Variants in COMMD10 observed in about 807,000 individuals in gnomAD.
The protein encoded by COMMD10 is COMM domain-containing protein 10.
Under a neutral mutation model 28.9 loss-of-function variants are expected in COMMD10, and 33 were observed. The observed-to-expected ratio is 1.14, with a 90% confidence interval of 0.87 to 1.53. The LOEUF (loss-of-function observed/expected upper bound fraction) is 1.53. Among genes scored for constraint, COMMD10 ranks in the 40% most tolerant of loss-of-function variants. The pLI is 0.00. For synonymous variants in COMMD10, 110 were observed against 81.7 expected, an observed-to-expected ratio of 1.35 and a Z score of -1.87; for missense variants, 310 against 233.4, an observed-to-expected ratio of 1.33 and a Z score of -2.14.
intron 5 of COMMD10, among the ~76,000 whole-genome samples, chr5:116,168,801 A>C (rs1753220130): frequency 6.6e-6 from 1 of 152,226 alleles, no homozygotes; most frequent in Non-Finnish European, 1.5e-5. Context: ...GACACAATGT[A>C]CCAGAATCTC....
At chr5:116,101,883 C>T (rs970468904) in intron 4 of COMMD10, among the ~76,000 whole-genome samples, 18 of 152,132 alleles carry the variant, frequency 1.2e-4, no homozygotes, top group Non-Finnish European at 4.4e-5. Flanking sequence ...GTCCTTTGCC[C>T]TGTGCCCACT....
At chr5:116,286,245 C>T (rs937805348) in intron 5 of COMMD10, among the ~76,000 whole-genome samples, 1 of 150,342 alleles carries the variant, frequency 6.7e-6, no homozygotes, top group African/African-American at 2.4e-5. Context: ...TTGGGTCTTC[C>T]TTCTTTTTTT....
intron 5 of COMMD10, among the ~76,000 whole-genome samples, chr5:116,240,020 C>A (rs1262214032): frequency 6.6e-6 from 1 of 152,092 alleles, no homozygotes; most frequent in Non-Finnish European, 1.5e-5. Context: ...GATAACGACA[C>A]CCTTGAATTT....
At chr5:116,181,929 T>C (rs1357877917) in intron 5 of COMMD10, among the ~76,000 whole-genome samples, 1 of 152,076 alleles carries the variant, frequency 6.6e-6, no homozygotes, top group Non-Finnish European at 1.5e-5. Flanking sequence ...AAGAGTAGGA[T>C]AGACATAGCT....
intron 4 of COMMD10, among the ~76,000 whole-genome samples, chr5:116,108,943 G>C (rs2112733499): frequency 6.6e-6 from 1 of 152,228 alleles, no homozygotes; most frequent in East Asian, 1.9e-4. Flanking sequence ...CCTTGGCTGG[G>C]GAAGGGGGAT....
chr5:116,278,655 T>G (rs1012561756), intron 5 of COMMD10, among the ~76,000 whole-genome samples: 1 of 151,858 alleles, frequency 6.6e-6, no homozygotes, highest in Non-Finnish European at 1.5e-5. Context: ...ATTTTTATAC[T>G]GAATAAAGGT....
intron 5 of COMMD10, among the ~76,000 whole-genome samples, chr5:116,153,865 T>G (rs1752617256): frequency 6.6e-6 from 1 of 152,128 alleles, no homozygotes; most frequent in Admixed American, 6.6e-5. Context: ...GAGAATGACC[T>G]TGATAAAGGG....
intron 5 of COMMD10, among the ~76,000 whole-genome samples, chr5:116,147,186 G>A: frequency 7.7e-6 from 1 of 130,576 alleles, no homozygotes; most frequent in Middle Eastern, 3.6e-3. Flanking sequence ...ACAGCTGTTC[G>A]GTTAGTGCAC....
intron 5 of COMMD10, among the ~76,000 whole-genome samples, chr5:116,268,819 C>G (rs1290832551): frequency 2.0e-5 from 3 of 151,538 alleles, no homozygotes; most frequent in South Asian, 2.1e-4. Flanking sequence ...AAGCTGGAAA[C>G]CATCATTCTC....
intron 5 of COMMD10, among the ~76,000 whole-genome samples, chr5:116,166,435 AAATAAATTGTACCATCT>A (rs1753101456): frequency 6.6e-6 from 1 of 152,162 alleles, no homozygotes; most frequent in African/African-American, 2.4e-5. Context: ...TAATGCATTG[AAATAAATTGTACCATCT>A]AATAAATTGA....
chr5:116,130,740 C>G (rs1274789962), intron 4 of COMMD10, among the ~76,000 whole-genome samples: 1 of 152,014 alleles, frequency 6.6e-6, no homozygotes, highest in Non-Finnish European at 1.5e-5. Flanking sequence ...ATGAGTAACA[C>G]AGTCTTGATT....
intron 5 of COMMD10, among the ~76,000 whole-genome samples, chr5:116,242,471 T>C (rs765856809): frequency 7.2e-5 from 11 of 152,200 alleles, no homozygotes; most frequent in Non-Finnish European, 1.3e-4. Context: ...CCTGAGGGTT[T>C]GACATTATTA....
At position 116,225,962 on chromosome 5, in the gene COMMD10, T is replaced by C. The variant is rs533923636; in HGVS notation, c.511-65555T>C. Among the ~76,000 whole-genome samples the C allele has an allele frequency of 2.6e-5, 4 of 152,240 alleles. No individual in the cohort carries two copies. In the South Asian group the frequency reaches 8.3e-4, roughly 32 times the overall value. ...ATTAGCTTGGTGCTAACATTTTTCC[T>C]TTAAATTTTCAGCTCTTTTTCCAGC... On this transcript the variant is annotated intron_variant, in intron 5 of 6. Coordinates refer to ENST00000274458, the MANE Select transcript of COMMD10 (RefSeq NM_016144.4).
intron 5 of COMMD10, among the ~76,000 whole-genome samples, chr5:116,143,755 C>T (rs560952511): frequency 1.3e-5 from 2 of 151,806 alleles, no homozygotes; most frequent in South Asian, 2.1e-4. Flanking sequence ...AGTAAATATG[C>T]ACTAACTTTT....
At chr5:116,185,341 C>G (rs1748103023) in intron 5 of COMMD10, among the ~76,000 whole-genome samples, 1 of 152,218 alleles carries the variant, frequency 6.6e-6, no homozygotes, top group Admixed American at 6.5e-5. Flanking sequence ...AACAGAACCT[C>G]AGGTCCTACT....
intron 5 of COMMD10, among the ~76,000 whole-genome samples, chr5:116,144,731 C>T (rs1465390140): frequency 4.0e-5 from 6 of 151,636 alleles, no homozygotes; most frequent in South Asian, 2.1e-4. Flanking sequence ...ATTTCAATAA[C>T]AATTGAGAGG....
intron 4 of COMMD10, among the ~76,000 whole-genome samples, chr5:116,130,874 A>T (rs1580472785): frequency 6.6e-6 from 1 of 152,140 alleles, no homozygotes; most frequent in East Asian, 1.9e-4. Context: ...AATAAGTATA[A>T]CATTGTAAAT....
chr5:116,101,278 G>C (rs953410518), intron 4 of COMMD10, among the ~76,000 whole-genome samples: 1 of 152,070 alleles, frequency 6.6e-6, no homozygotes, highest in Non-Finnish European at 1.5e-5. Flanking sequence ...TTGCTAGATT[G>C]AATGTTAGTT....
intron 5 of COMMD10, among the ~76,000 whole-genome samples, chr5:116,150,114 A>C (rs1752472006): frequency 1.3e-5 from 2 of 152,136 alleles, no homozygotes; most frequent in South Asian, 4.1e-4. Context: ...TAAATAGGGA[A>C]TACTTTCCCC....
Sources: gnomAD v4.1 joint callset for allele counts (sites outside exome capture counted in the v4.1 genomes callset) on GRCh38, gnomAD v4.1.1 for gene constraint, MANE v1.5 for transcripts, NCBI Gene and HGNC (gene_info 2026-07-23, HGNC 2026-07-21) for gene names.